STARD13: variants seen among roughly 807,000 people sequenced by gnomAD.
STARD13 encodes StAR related lipid transfer domain containing 13, also known as stAR-related lipid transfer protein 13.
STARD13 carries 62 observed loss-of-function variants against 106.4 expected under a neutral mutation model. The ratio of observed to expected loss-of-function variants is 0.58; its 90% CI spans 0.48 to 0.72. STARD13 has a LOEUF of 0.72. Ranked by LOEUF, STARD13 falls within the 30% of genes least tolerant of loss-of-function variation. The pLI is 0.00. For synonymous variants in STARD13, 565 were observed against 553.0 expected, an observed-to-expected ratio of 1.02 and a Z score of -0.31; for missense variants, 1,387 against 1,424.0, an observed-to-expected ratio of 0.97 and a Z score of 0.42.
chr13:33,663,694 C>T, the STARD13 span, among the ~76,000 whole-genome samples: 1 of 152,150 alleles, frequency 6.6e-6, no homozygotes, highest in African/African-American at 2.4e-5. Context: ...TTCTACATTG[C>T]CCAAGTGTTC....
At chr13:33,229,488 G>A (rs1888797590) in intron 1 of STARD13, among the ~76,000 whole-genome samples, 1 of 152,224 alleles carries the variant, frequency 6.6e-6, no homozygotes, top group Admixed American at 6.5e-5. Flanking sequence ...TTTATCTCTT[G>A]TCGAACTCAA....
the STARD13 span, among the ~76,000 whole-genome samples, chr13:33,422,668 G>A: frequency 6.6e-6 from 1 of 152,180 alleles, no homozygotes; most frequent in African/African-American, 2.4e-5. Flanking sequence ...CAAAGCTGGA[G>A]GCATCATGCT....
chr13:33,570,071 A>G, the STARD13 span, among the ~76,000 whole-genome samples: 4 of 147,778 alleles, frequency 2.7e-5, 1 homozygote, highest in African/African-American at 5.0e-5. Context: ...CTAATGAAAT[A>G]CAAAAAAAAT....
At chr13:33,519,309 T>TTC in the STARD13 span, among the ~76,000 whole-genome samples, 41 of 138,116 alleles carry the variant, frequency 3.0e-4, no homozygotes, top group East Asian at 8.4e-4. Flanking sequence ...CTCTCTTTCT[T>TTC]TCTCTCTCTC....
the STARD13 span, among the ~76,000 whole-genome samples, chr13:33,597,159 T>A: frequency 0.012 from 1,842 of 152,316 alleles, 42 homozygotes; most frequent in African/African-American, 0.042. Context: ...TTCCCAACAG[T>A]GTATGAATAT....
At chr13:33,213,973 T>C (rs925671652) in intron 1 of STARD13, among the ~76,000 whole-genome samples, 4 of 152,200 alleles carry the variant, frequency 2.6e-5, no homozygotes, top group African/African-American at 4.8e-5. Context: ...CAAGGCAGGC[T>C]GATCACTTTC....
At chr13:33,249,913 C>CT (rs530586971) in intron 1 of STARD13, among the ~76,000 whole-genome samples, 261 of 152,270 alleles carry the variant, frequency 1.7e-3, no homozygotes, top group African/African-American at 5.9e-3. Context: ...CCTCAGCCTC[C>CT]TGGGTAGCTG....
At chr13:33,185,414 A>T (rs1885659186) in intron 1 of STARD13, among the ~76,000 whole-genome samples, 1 of 152,242 alleles carries the variant, frequency 6.6e-6, no homozygotes, top group Admixed American at 6.5e-5. Flanking sequence ...TCATGCAAAG[A>T]TAACTTCAGA....
chr13:33,131,912 G>C (rs1878348623), intron 4 of STARD13, among the ~76,000 whole-genome samples: 1 of 152,182 alleles, frequency 6.6e-6, no homozygotes, highest in East Asian at 1.9e-4. Flanking sequence ...GTCCCTCACT[G>C]AGAGGTATTT....
At chr13:33,481,836 G>C in the STARD13 span, among the ~76,000 whole-genome samples, 1 of 133,162 alleles carries the variant, frequency 7.5e-6, no homozygotes, top group Non-Finnish European at 1.6e-5. Context: ...AAAATTAGCC[G>C]GGCGTGGTGG....
chr13:33,115,376 T>C (rs1435455012), intron 8 of STARD13, among the ~76,000 whole-genome samples: 1 of 152,192 alleles, frequency 6.6e-6, no homozygotes, highest in Non-Finnish European at 1.5e-5. Flanking sequence ...ATTTGGAACC[T>C]TGATTAGTAT....
chr13:33,335,970 C>T (rs1190015222), intron 1 of STARD13, among the ~76,000 whole-genome samples: 2 of 51,472 alleles, frequency 3.9e-5, no homozygotes, highest in Admixed American at 2.2e-4. Context: ...AAATATTATT[C>T]ATTCATTCAT....
chr13:33,113,838 C>T (rs1313802772), intron 8 of STARD13, among the ~76,000 whole-genome samples: 1 of 152,188 alleles, frequency 6.6e-6, no homozygotes, highest in Non-Finnish European at 1.5e-5. Flanking sequence ...GTGATAGGTG[C>T]TGCCTTTTGC....
At chr13:33,503,885 A>AT in the STARD13 span, among the ~76,000 whole-genome samples, 1 of 152,180 alleles carries the variant, frequency 6.6e-6, no homozygotes, top group Non-Finnish European at 1.5e-5. Context: ...AGAATCTACA[A>AT]AGAACTTAAA....
the STARD13 span, among the ~76,000 whole-genome samples, chr13:33,360,887 C>T: frequency 4.6e-4 from 68 of 148,788 alleles, no homozygotes; most frequent in African/African-American, 1.6e-3. Flanking sequence ...GCTCCGCCTC[C>T]CAGGTTCACG....
At chr13:33,168,641 A>G (rs1883597208) in intron 1 of STARD13, among the ~76,000 whole-genome samples, 1 of 152,160 alleles carries the variant, frequency 6.6e-6, no homozygotes, top group Non-Finnish European at 1.5e-5. Context: ...AGGTCATTGT[A>G]TTTCCATTTA....
the STARD13 span, among the ~76,000 whole-genome samples, chr13:33,498,897 G>A: frequency 3.3e-5 from 5 of 152,132 alleles, no homozygotes; most frequent in African/African-American, 4.8e-5. Context: ...CAGCACTTTC[G>A]GAGGCCGAGG....
At chr13:33,270,407 C>T (rs1315016641) in intron 1 of STARD13, among the ~76,000 whole-genome samples, 3 of 152,144 alleles carry the variant, frequency 2.0e-5, no homozygotes, top group African/African-American at 4.8e-5. Context: ...TGTATGCAGG[C>T]AAGTTTAGTG....
At chr13:33,318,259 C>T (rs901517832) in intron 1 of STARD13, among the ~76,000 whole-genome samples, 3 of 152,186 alleles carry the variant, frequency 2.0e-5, no homozygotes, top group African/African-American at 7.2e-5. Flanking sequence ...CTCATTCTGA[C>T]TCACAGAGAA....
Sources: allele counts gnomAD v4.1 joint callset (sites outside exome capture counted in the v4.1 genomes callset), GRCh38; gene constraint gnomAD v4.1.1; transcripts MANE v1.5; gene names NCBI Gene and HGNC (gene_info 2026-07-23, HGNC 2026-07-21).